The following LDLRAD4 variants were observed in gnomAD, a reference collection of about 807,000 sequenced individuals.
LDLRAD4 encodes low-density lipoprotein receptor class A domain-containing protein 4.
A neutral mutation model predicts 17.0 loss-of-function variants in LDLRAD4; 5 were observed. The observed-to-expected ratio is 0.29, with a 90% CI of 0.15 to 0.62. LDLRAD4 has a LOEUF of 0.62. Ranked by LOEUF, LDLRAD4 falls within the 20% of genes least tolerant of loss-of-function variation. LDLRAD4 has a pLI of 0.84. For synonymous variants in LDLRAD4, 168 were observed against 171.8 expected (o/e 0.98, Z 0.17); for missense variants, 340 against 424.7 (o/e 0.80, Z 1.75).
intron 3 of LDLRAD4, chr18:13,612,939 G>T: frequency 1.4e-6 from 1 of 699,442 alleles, no homozygotes; most frequent in South Asian, 2.0e-5. Flanking sequence ...TTTCCGGGTG[G>T]GACTCCCTTT....
intron 1 of LDLRAD4, among the ~76,000 whole-genome samples, chr18:13,340,551 A>G (rs1189375901): frequency 6.6e-6 from 1 of 152,146 alleles, no homozygotes; most frequent in Non-Finnish European, 1.5e-5. Flanking sequence ...AGAAATGTCT[A>G]TTCAAGTCCT....
intron 3 of LDLRAD4, among the ~76,000 whole-genome samples, chr18:13,535,829 G>A (rs2094194420): frequency 6.6e-6 from 1 of 152,120 alleles, no homozygotes; most frequent in Non-Finnish European, 1.5e-5. Flanking sequence ...TTAATTTGTG[G>A]ATATGGTATG....
intron 2 of LDLRAD4, among the ~76,000 whole-genome samples, chr18:13,424,427 T>C (rs914139830): frequency 6.6e-6 from 1 of 152,214 alleles, no homozygotes; most frequent in African/African-American, 2.4e-5. Context: ...CAAAGTGCAC[T>C]GACTTCTCTT....
chr18:13,474,289 C>T (rs912182253), intron 3 of LDLRAD4, among the ~76,000 whole-genome samples: 2 of 152,164 alleles, frequency 1.3e-5, no homozygotes, highest in Non-Finnish European at 2.9e-5. Context: ...ACTAATACAG[C>T]CGCTAAGCCG....
At position 13,219,627 on chromosome 18, in the gene LDLRAD4, A is replaced by G. The variant is rs538590051; in HGVS notation, c.-467+639A>G. 9.1e-4 allele frequency among the ~76,000 whole-genome samples: 139 copies of G among 152,318 alleles called. 1 individual carries two copies. The highest frequency in any genetic ancestry group is 3.1e-3 in the African/African-American group (130 of 41,562). On this transcript the variant is annotated intron_variant, in intron 1 of 5. Coordinates refer to the LDLRAD4 transcript ENST00000399848. ...TAAGTTATTTGCAGTAGAGGTGGAT[A>G]GAGATGGTGAGCAGCATTGACTCTC...
At chr18:13,477,658 G>C (rs2146887427) in intron 3 of LDLRAD4, among the ~76,000 whole-genome samples, 1 of 152,322 alleles carries the variant, frequency 6.6e-6, no homozygotes, top group East Asian at 1.9e-4. Flanking sequence ...TTTCATAGCT[G>C]AGAAAACTAC....
intron 2 of LDLRAD4, among the ~76,000 whole-genome samples, chr18:13,428,062 T>C (rs1290299520): frequency 3.3e-5 from 5 of 152,238 alleles, no homozygotes; most frequent in Non-Finnish European, 7.3e-5. Flanking sequence ...GGGGACTCAT[T>C]AGTAAGACCA....
exon 6 of LDLRAD4, chr18:13,650,454 A>AT: frequency 5.0e-6 from 2 of 398,128 alleles, no homozygotes; most frequent in Non-Finnish European, 8.8e-6. Flanking sequence ...ATATATGTAG[A>AT]TATACCCCTA....
rs547823302 is a variant in LDLRAD4, at chr18:13,387,705, G to C, written c.-18G>C. 78 of 1,613,562 alleles carry C rather than the reference G, an allele frequency of 4.8e-5. No homozygotes were observed. In the South Asian group the frequency reaches 7.4e-4, roughly 15 times the overall value. ...GGACAGCGCAAGAGTTGGAGCACAG[G>C]CTTGTCCGGGGAGCAGTATGCCGGA... On this transcript the variant is annotated 5_prime_UTR_variant, in exon 2 of 6. Coordinates refer to ENST00000359446, the Ensembl canonical transcript of LDLRAD4.
chr18:13,306,604 G>A (rs1308657404), intron 1 of LDLRAD4, among the ~76,000 whole-genome samples: 1 of 152,218 alleles, frequency 6.6e-6, no homozygotes, highest in South Asian at 2.1e-4. Flanking sequence ...CGCTGTGAAG[G>A]AGAACCCTGA....
intron 3 of LDLRAD4, among the ~76,000 whole-genome samples, chr18:13,449,103 A>G (rs571201729): frequency 6.6e-6 from 1 of 152,252 alleles, no homozygotes; most frequent in South Asian, 2.1e-4. Context: ...AAGATAAAAA[A>G]TATTTTCAAA....
At chr18:13,383,365 G>A (rs116779615) in intron 1 of LDLRAD4, among the ~76,000 whole-genome samples, 1,794 of 152,278 alleles carry the variant, frequency 0.012, 33 homozygotes, top group African/African-American at 0.041. Context: ...CAGGACACCC[G>A]TGTGGAGTCG....
In LDLRAD4 at chr18:13,398,509, T is replaced by C. The variant is rs1329646237; in HGVS notation, c.40+10747T>C. ...CTTATCAGAAGAGCTCAGATTTGAG[T>C]GTGGGTCTTGATGGGAAGTAGGAGA... On this transcript the variant is annotated intron_variant, in intron 2 of 5. Coordinates refer to ENST00000359446, the Ensembl canonical transcript of LDLRAD4. The surrounding 1 kb of genome is among the most constrained non-coding windows in gnomAD (Gnocchi z 4.8). 4.6e-5 allele frequency among the ~76,000 whole-genome samples: 7 copies of C among 150,790 alleles called. No homozygotes were observed. The highest frequency in any genetic ancestry group is 8.9e-5 in the Non-Finnish European group (6 of 67,646).
intron 1 of LDLRAD4, among the ~76,000 whole-genome samples, chr18:13,374,802 G>A (rs757902284): frequency 2.8e-4 from 43 of 152,216 alleles, no homozygotes; most frequent in Non-Finnish European, 4.4e-4. Context: ...GTCTGCAGCA[G>A]CTTCAATTAC....
At chr18:13,444,648 T>A (rs1304361996) in intron 3 of LDLRAD4, among the ~76,000 whole-genome samples, 1 of 152,210 alleles carries the variant, frequency 6.6e-6, no homozygotes, top group Non-Finnish European at 1.5e-5. Flanking sequence ...TGATCCTTTC[T>A]CTGCTGCCTC....
chr18:13,282,268 C>T (rs1484558272), intron 1 of LDLRAD4, among the ~76,000 whole-genome samples: 2 of 152,154 alleles, frequency 1.3e-5, no homozygotes, highest in African/African-American at 4.8e-5. Context: ...CATTTCAAAA[C>T]CAATCTTGCC....
intron 3 of LDLRAD4, among the ~76,000 whole-genome samples, chr18:13,550,508 C>A (rs1007357588): frequency 6.6e-6 from 1 of 152,184 alleles, no homozygotes; most frequent in South Asian, 2.1e-4. Flanking sequence ...GGTGTCTGGA[C>A]GGCTTACATC....
At chr18:13,601,964 T>TGCATGC (rs1219323137) in intron 3 of LDLRAD4, among the ~76,000 whole-genome samples, 3 of 152,182 alleles carry the variant, frequency 2.0e-5, no homozygotes, top group Admixed American at 1.3e-4. Flanking sequence ...CACCATGAAG[T>TGCATGC]ACTACACAGC....
At chr18:13,499,053 G>A (rs1321992311) in intron 3 of LDLRAD4, among the ~76,000 whole-genome samples, 6 of 145,570 alleles carry the variant, frequency 4.1e-5, no homozygotes, top group African/African-American at 1.0e-4. Flanking sequence ...CGTGGACACC[G>A]GAGAATCCTT....
Sources: allele counts gnomAD v4.1 joint callset (sites outside exome capture counted in the v4.1 genomes callset), GRCh38; gene constraint gnomAD v4.1.1; non-coding constraint Gnocchi (gnomAD v3.1); transcripts MANE v1.5; gene names NCBI Gene and HGNC (gene_info 2026-07-23, HGNC 2026-07-21).